Variants in SNX29 observed in about 807,000 individuals in gnomAD.
SNX29 encodes sorting nexin-29.
Under a neutral mutation model 102.1 loss-of-function variants are expected in SNX29, and 78 were observed. That is an observed-to-expected ratio of 0.76 (90% CI 0.64 to 0.92). SNX29 has a LOEUF of 0.92. Among genes scored for constraint, SNX29 ranks in the 40% least tolerant of loss-of-function variants. The pLI is 0.00. For missense variants in SNX29, 1,280 were observed against 1,061.7 expected, an observed-to-expected ratio of 1.21 and a Z score of -2.86; for synonymous variants, 580 against 414.5, an observed-to-expected ratio of 1.40 and a Z score of -4.85.
intron 18 of SNX29, among the ~76,000 whole-genome samples, chr16:12,456,001 A>C (rs1295840408): frequency 2.0e-5 from 3 of 152,192 alleles, no homozygotes; most frequent in African/African-American, 7.2e-5. Context: ...GTAAAGATGA[A>C]GACTTGTAAA....
intron 13 of SNX29, among the ~76,000 whole-genome samples, chr16:12,169,614 C>G (rs1384733573): frequency 6.6e-6 from 1 of 152,184 alleles, no homozygotes; most frequent in East Asian, 1.9e-4. Context: ...AATCCCAGCA[C>G]TCTGGGAGGC....
At chr16:12,277,431 C>G (rs144150485) in intron 14 of SNX29, among the ~76,000 whole-genome samples, 7 of 152,176 alleles carry the variant, frequency 4.6e-5, no homozygotes, top group African/African-American at 1.2e-4. Context: ...CCTCCACCCC[C>G]CAAAACAACC....
intron 20 of SNX29, among the ~76,000 whole-genome samples, chr16:12,563,226 A>G (rs1048791017): frequency 6.6e-6 from 1 of 152,124 alleles, no homozygotes; most frequent in Non-Finnish European, 1.5e-5. Flanking sequence ...ATACCCTGAA[A>G]GTGGCCTCCC....
intron 3 of SNX29, among the ~76,000 whole-genome samples, chr16:12,010,798 T>C (rs1004951460): frequency 6.6e-6 from 1 of 152,150 alleles, no homozygotes; most frequent in Non-Finnish European, 1.5e-5. Context: ...GTTTTGGACT[T>C]TTCAGGAAGC....
At chr16:12,547,828 T>G (rs1225179792) in intron 20 of SNX29, among the ~76,000 whole-genome samples, 1 of 152,222 alleles carries the variant, frequency 6.6e-6, no homozygotes, top group South Asian at 2.1e-4. Flanking sequence ...ACAGCCTTAC[T>G]GAGCCCCAGA....
Position 12,572,313 on chromosome 16 carries a change from G to A in SNX29, c.*3684G>A, listed in dbSNP as rs554330956. 44 of 1,062,946 alleles carry A rather than the reference G, an allele frequency of 4.1e-5. No homozygotes were observed. Among genetic ancestry groups the A allele is most frequent in the Non-Finnish European group, 4.8e-5 (42 of 877,768 alleles). 65.8% of individuals were successfully genotyped at this position (1,062,946 alleles called of 1,614,324 possible). On this transcript the variant is annotated 3_prime_UTR_variant, in exon 21 of 21. Coordinates refer to ENST00000566228, the MANE Select transcript of SNX29 (RefSeq NM_032167.5). ...GGGCCAGTGATCACAATCCAGGTTGGAAACAGGAGTGAAGCCCACCAGCCT... is the reference window on the plus strand; with the variant it reads ...GGGCCAGTGATCACAATCCAGGTTGAAAACAGGAGTGAAGCCCACCAGCCT...
chr16:12,458,181 A>G (rs1413989337), intron 18 of SNX29, among the ~76,000 whole-genome samples: 1 of 152,226 alleles, frequency 6.6e-6, no homozygotes, highest in Non-Finnish European at 1.5e-5. Flanking sequence ...CCTCAGGCCC[A>G]TTGGGAAGTG....
chr16:12,554,430 C>T (rs933302558), intron 20 of SNX29, among the ~76,000 whole-genome samples: 1 of 152,214 alleles, frequency 6.6e-6, no homozygotes, highest in African/African-American at 2.4e-5. Context: ...GCGTGTCCTG[C>T]TGTTTCCGCA....
rs377681546 is a variant in SNX29, at chr16:12,441,583, C to A, written c.2038-36136C>A. ...GTTCTCCCGTTTTGTGGTTGTCCTT[C>A]CATTTTGATAGTGTCCTTTGAAGCA... On this transcript the variant is annotated intron_variant, in intron 18 of 20. Coordinates refer to ENST00000566228, the MANE Select transcript of SNX29 (RefSeq NM_032167.5). Among the ~76,000 whole-genome samples the A allele has an allele frequency of 9.2e-5, 14 of 152,246 alleles. No individual in the cohort carries two copies. The East Asian group carries it at 2.1e-3, about 23-fold the overall frequency.
chr16:12,011,084 C>G (rs914961458), intron 3 of SNX29, among the ~76,000 whole-genome samples: 5 of 151,968 alleles, frequency 3.3e-5, no homozygotes, highest in Non-Finnish European at 5.9e-5. Flanking sequence ...TGGACTCTCC[C>G]CCTCCCTTAC....
At chr16:12,514,940 G>GAA (rs2089799227) in intron 19 of SNX29, among the ~76,000 whole-genome samples, 2 of 151,198 alleles carry the variant, frequency 1.3e-5, no homozygotes, top group Admixed American at 6.6e-5. Context: ...AAGAAAGAAA[G>GAA]AGAGAAAGAA....
chr16:12,517,885 C>T (rs1253198591), intron 19 of SNX29, among the ~76,000 whole-genome samples: 1 of 151,994 alleles, frequency 6.6e-6, no homozygotes, highest in Non-Finnish European at 1.5e-5. Context: ...ACCAAAATGG[C>T]AAGGCCTTCT....
intron 14 of SNX29, among the ~76,000 whole-genome samples, chr16:12,227,707 T>G (rs1374965504): frequency 6.6e-6 from 1 of 151,784 alleles, no homozygotes; most frequent in Non-Finnish European, 1.5e-5. Context: ...CAAGACCATC[T>G]TAGCCAACAT....
At chr16:12,518,425 C>A (rs2089960315) in intron 19 of SNX29, among the ~76,000 whole-genome samples, 1 of 152,216 alleles carries the variant, frequency 6.6e-6, no homozygotes, top group South Asian at 2.1e-4. Flanking sequence ...ATTTGCTGTT[C>A]TTTCCACTTG....
chr16:12,528,533 C>G (rs1248566212), intron 20 of SNX29, among the ~76,000 whole-genome samples: 1 of 152,182 alleles, frequency 6.6e-6, no homozygotes, highest in East Asian at 1.9e-4. Flanking sequence ...GAATTGGTCA[C>G]AGCACCATTC....
Position 12,027,452 on chromosome 16 carries a change from T to C in SNX29, c.247+8T>C, listed in dbSNP as rs1281306572. ...CCAGCAAAACCGAAACAGGTACTGC[T>C]CTGCCTGGCTGTAGCTTGGAGGAGC... is the stretch of plus-strand genomic sequence containing the variant. On this transcript the variant is annotated splice_region_variant and intron_variant, in intron 4 of 20. Coordinates refer to ENST00000566228, the MANE Select transcript of SNX29 (RefSeq NM_032167.5). 1.9e-6 allele frequency: 3 copies of C among 1,613,414 alleles called. No homozygotes were observed. The highest frequency in any genetic ancestry group is 1.3e-5 in the African/African-American group (1 of 74,942).
At chr16:12,552,744 A>T (rs1463404528) in intron 20 of SNX29, among the ~76,000 whole-genome samples, 1 of 152,220 alleles carries the variant, frequency 6.6e-6, no homozygotes, top group African/African-American at 2.4e-5. Flanking sequence ...CTCCAGTGAA[A>T]TCACTTCTGA....
chr16:12,058,790 G>T (rs561087679), intron 8 of SNX29, among the ~76,000 whole-genome samples: 1 of 140,988 alleles, frequency 7.1e-6, no homozygotes, highest in Non-Finnish European at 1.5e-5. Flanking sequence ...CACAGCACCC[G>T]GCCTGGGTTT....
chr16:12,434,903 C>T (rs1597369933), intron 18 of SNX29, among the ~76,000 whole-genome samples: 2 of 150,466 alleles, frequency 1.3e-5, no homozygotes, highest in Middle Eastern at 3.4e-3. Context: ...AGTATAAATT[C>T]AGCCTTCTGG....
Sources: gnomAD v4.1 joint callset for allele counts (sites outside exome capture counted in the v4.1 genomes callset) on GRCh38, gnomAD v4.1.1 for gene constraint, MANE v1.5 for transcripts, NCBI Gene and HGNC (gene_info 2026-07-23, HGNC 2026-07-21) for gene names.